The following COL24A1 variants were observed in gnomAD, a reference collection of about 807,000 sequenced individuals.
COL24A1 encodes collagen alpha-1(XXIV) chain.
COL24A1 carries 224 observed loss-of-function variants against 253.9 expected under a neutral mutation model. That is an observed-to-expected ratio of 0.88 (90% CI 0.79 to 0.99). COL24A1 has a LOEUF of 0.99. COL24A1 is among the 50% of genes least tolerant of loss of function. The probability of loss-of-function intolerance (pLI) is 0.00; values close to 1 mark genes in which losing one functional copy is unlikely to be tolerated. For synonymous variants in COL24A1, 685 were observed against 673.7 expected (o/e 1.02, Z -0.26); for missense variants, 2,131 against 2,068.5 (o/e 1.03, Z -0.59).
chr1:85,778,477 CT>C lies in COL24A1; in HGVS notation c.4338+2742del, dbSNP rs543334309. 2.6e-3 allele frequency among the ~76,000 whole-genome samples: 399 copies of C among 151,976 alleles called. 1 individual carries two copies. The highest frequency in any genetic ancestry group is 8.9e-3 in the African/African-American group (369 of 41,442). ...TTTCCCAATCAATAGTACTTTTAAA[CT>C]TTATTCATGGAATCTTTTTTCCATA... On this transcript the variant is annotated intron_variant, in intron 52 of 59. Coordinates refer to ENST00000370571, the MANE Select transcript of COL24A1 (RefSeq NM_152890.7).
chr1:85,826,942 G>T (rs918446928), intron 43 of COL24A1, among the ~76,000 whole-genome samples: 2 of 151,856 alleles, frequency 1.3e-5, no homozygotes, highest in Admixed American at 1.3e-4. Context: ...AATTGCCCTG[G>T]CCAGAACTTC....
chr1:85,754,550 T>TAAAAAAAAAAAAAAAAAAAAAAAA (rs34069021), intron 55 of COL24A1, among the ~76,000 whole-genome samples: 1 of 111,002 alleles, frequency 9.0e-6, no homozygotes, highest in Non-Finnish European at 1.8e-5. Flanking sequence ...AAAAAAAAAT[T>TAAAAAAAAAAAAAAAAAAAAAAAA]AAAAAAAAAA....
chr1:85,876,258 G>C (rs1168533161), intron 33 of COL24A1, among the ~76,000 whole-genome samples: 1 of 152,106 alleles, frequency 6.6e-6, no homozygotes, highest in Non-Finnish European at 1.5e-5. Context: ...AGAATGGGCA[G>C]GGGCAGGCCT....
At chr1:86,049,066 C>A (rs888710451) in intron 11 of COL24A1, among the ~76,000 whole-genome samples, 15 of 152,162 alleles carry the variant, frequency 9.9e-5, no homozygotes, top group Non-Finnish European at 1.6e-4. Flanking sequence ...TCTGCGTGAT[C>A]GGTGAGATAC....
intron 47 of COL24A1, among the ~76,000 whole-genome samples, chr1:85,805,759 T>C (rs1320949515): frequency 6.6e-6 from 1 of 152,150 alleles, no homozygotes; most frequent in African/African-American, 2.4e-5. Flanking sequence ...GCCATGACTA[T>C]TATGAAGAAA....
At chr1:85,781,136 C>T (rs533437172) in intron 52 of COL24A1, 84 bp downstream of exon 52, 3 of 993,168 alleles carry the variant, frequency 3.0e-6, no homozygotes, top group South Asian at 1.8e-5. Context: ...TCTCAAATAC[C>T]CAGGCTAATT....
At chr1:86,045,791 A>T (rs1358029374) in intron 12 of COL24A1, 1 of 408,194 alleles carries the variant, frequency 2.4e-6, no homozygotes, top group Admixed American at 2.9e-5. Context: ...TGGTAAGTTT[A>T]TCTTAATACA....
At chr1:85,891,357 C>A (rs1020110605) in intron 31 of COL24A1, among the ~76,000 whole-genome samples, 9 of 152,010 alleles carry the variant, frequency 5.9e-5, no homozygotes, top group African/African-American at 2.2e-4. Flanking sequence ...AGCCTCTGCG[C>A]CCGGCCGTAA....
At chr1:85,887,582 C>T (rs1047211402) in intron 32 of COL24A1, among the ~76,000 whole-genome samples, 6 of 151,952 alleles carry the variant, frequency 3.9e-5, no homozygotes, top group Non-Finnish European at 8.8e-5. Flanking sequence ...AGCAGCCATC[C>T]ATACATAAGG....
chr1:85,836,809 A>G (rs902010707), intron 43 of COL24A1, among the ~76,000 whole-genome samples: 2 of 152,218 alleles, frequency 1.3e-5, no homozygotes, highest in African/African-American at 4.8e-5. Flanking sequence ...AGGGGTATAC[A>G]AGGAAGGGGA....
intron 5 of COL24A1, among the ~76,000 whole-genome samples, chr1:86,092,778 TTTA>T (rs1161310776): frequency 6.6e-6 from 1 of 151,924 alleles, no homozygotes; most frequent in Non-Finnish European, 1.5e-5. Context: ...ATGTATTACT[TTTA>T]TTATTAAGAA....
intron 7 of COL24A1, among the ~76,000 whole-genome samples, chr1:86,080,963 A>G (rs1557538470): frequency 1.3e-5 from 2 of 152,142 alleles, no homozygotes; most frequent in Non-Finnish European, 2.9e-5. Flanking sequence ...CCAATGGGAA[A>G]ATTTACAATT....
chr1:85,888,465 G>C (rs2102728757), intron 32 of COL24A1, among the ~76,000 whole-genome samples: 1 of 152,078 alleles, frequency 6.6e-6, no homozygotes, highest in African/African-American at 2.4e-5. Context: ...ATTATACCAG[G>C]AAAGGGGATT....
chr1:86,127,075 G>A (rs1648421419), intron 2 of COL24A1, among the ~76,000 whole-genome samples: 1 of 152,064 alleles, frequency 6.6e-6, no homozygotes, highest in Non-Finnish European at 1.5e-5. Flanking sequence ...TTAAGTGTGT[G>A]CTACGCTTAA....
At chr1:86,104,295 T>G (rs1704739192) in intron 5 of COL24A1, among the ~76,000 whole-genome samples, 1 of 152,242 alleles carries the variant, frequency 6.6e-6, no homozygotes. Context: ...TTGTGATTCT[T>G]AGCTTCCTTG....
chr1:85,880,406 G>A (rs957227088), intron 32 of COL24A1, among the ~76,000 whole-genome samples: 18 of 151,990 alleles, frequency 1.2e-4, no homozygotes, highest in Admixed American at 7.9e-4. Context: ...TATTAGTTTC[G>A]GGAGTTTAAA....
chr1:86,126,080 T>G lies in COL24A1; in HGVS notation c.256A>C (p.Asn86His), dbSNP rs1367339912. 1.2e-6 allele frequency: 2 copies of G among 1,613,578 alleles called. No homozygotes were observed. The highest frequency in any genetic ancestry group is 4.5e-5 in the East Asian group (2 of 44,854). ...HLTESGVIFK[N>H]DAYIETPFVK... ...AAAGGTGTCTCGATATAAGCATCATTTTTAAAAATGACTCCTGATTCTGTT... is the reference window on the plus strand; with the variant it reads ...AAAGGTGTCTCGATATAAGCATCATGTTTAAAAATGACTCCTGATTCTGTT... Residue 86 changes from asparagine to histidine, a missense_variant, in exon 3 of 60, where the codon AAT becomes CAT. Physicochemically the swap from Asn to His is moderately conservative, Grantham distance 68 (BLOSUM62 1). Coordinates refer to ENST00000370571, the MANE Select transcript of COL24A1 (RefSeq NM_152890.7).
intron 32 of COL24A1, among the ~76,000 whole-genome samples, chr1:85,886,573 G>A (rs954342242): frequency 2.0e-5 from 3 of 151,862 alleles, no homozygotes; most frequent in Non-Finnish European, 2.9e-5. Flanking sequence ...GCTGAGGTAG[G>A]AGAATCGCTT....
intron 47 of COL24A1, among the ~76,000 whole-genome samples, chr1:85,798,854 C>A: frequency 6.6e-6 from 1 of 152,036 alleles, no homozygotes; most frequent in East Asian, 1.9e-4. Flanking sequence ...TCCCTCTTTT[C>A]CAATGACCAG....
Sources: allele counts gnomAD v4.1 joint callset (sites outside exome capture counted in the v4.1 genomes callset), GRCh38; gene constraint gnomAD v4.1.1; transcripts MANE v1.5; gene names NCBI Gene and HGNC (gene_info 2026-07-23, HGNC 2026-07-21).